SLC9A9: variants seen among roughly 807,000 people sequenced by gnomAD.
SLC9A9 encodes sodium/hydrogen exchanger 9.
SLC9A9 carries 62 observed loss-of-function variants against 77.8 expected under a neutral mutation model. The observed-to-expected ratio is 0.80, with a 90% CI of 0.65 to 0.98. The LOEUF is 0.98. Ranked by LOEUF, SLC9A9 falls within the 50% of genes least tolerant of loss-of-function variation. The pLI, the probability that SLC9A9 is intolerant of heterozygous loss-of-function variation, is 0.00. For synonymous variants in SLC9A9, 320 were observed against 283.5 expected (o/e 1.13, Z -1.29); for missense variants, 775 against 774.9 (o/e 1.00, Z 0.00).
At chr3:143,624,240 A>G (rs2038275474) in intron 6 of SLC9A9, among the ~76,000 whole-genome samples, 2 of 152,196 alleles carry the variant, frequency 1.3e-5, no homozygotes, top group Non-Finnish European at 2.9e-5. Flanking sequence ...ACAGGAAAAG[A>G]GGGAATCCTC....
intron 14 of SLC9A9, among the ~76,000 whole-genome samples, chr3:143,283,697 G>A (rs1176433747): frequency 6.6e-6 from 1 of 152,194 alleles, no homozygotes; most frequent in East Asian, 1.9e-4. Context: ...GCCTTCACTG[G>A]CTGAGGTCTA....
At chr3:143,513,448 C>T (rs768933271) in intron 9 of SLC9A9, among the ~76,000 whole-genome samples, 5 of 152,172 alleles carry the variant, frequency 3.3e-5, no homozygotes, top group African/African-American at 7.2e-5. Flanking sequence ...CTACCACATT[C>T]GAAGTTACTT....
At chr3:143,377,560 C>G (rs2033207161) in intron 13 of SLC9A9, among the ~76,000 whole-genome samples, 3 of 152,096 alleles carry the variant, frequency 2.0e-5, no homozygotes, top group Admixed American at 2.0e-4. Context: ...ACAACCAAAA[C>G]CAGAATTTCA....
chr3:143,652,510 C>T (rs1427460358), intron 5 of SLC9A9, 150 bp from the exon 6 acceptor site: 2 of 700,206 alleles, frequency 2.9e-6, no homozygotes, highest in African/African-American at 3.5e-5. Context: ...CAAAAAATAT[C>T]TGATGCTTAA....
In SLC9A9 at chr3:143,319,789, A is replaced by C. The variant is rs541601533; in HGVS notation, c.1604+43695T>G. On this transcript the variant is annotated intron_variant, in intron 14 of 15. Coordinates refer to ENST00000316549, the MANE Select transcript of SLC9A9 (RefSeq NM_173653.4). ...GATGTCTGCTGAAATTGAAATTTAA[A>C]ACCTCGCAAGAAACATCTGCAAGCT... is the stretch of plus-strand genomic sequence containing the variant. 7.9e-5 allele frequency among the ~76,000 whole-genome samples: 12 copies of C among 152,330 alleles called. No individual in the cohort carries two copies. In the East Asian group the frequency reaches 2.3e-3, roughly 29 times the overall value.
intron 5 of SLC9A9, among the ~76,000 whole-genome samples, chr3:143,690,828 T>C (rs548671016): frequency 3.9e-5 from 6 of 152,244 alleles, no homozygotes; most frequent in South Asian, 4.1e-4. Flanking sequence ...AATTATACCA[T>C]TGGGTACTGA....
chr3:143,365,712 A>C (rs1046862780), intron 13 of SLC9A9, among the ~76,000 whole-genome samples: 1 of 152,188 alleles, frequency 6.6e-6, no homozygotes, highest in African/African-American at 2.4e-5. Flanking sequence ...ATCCTTCCCT[A>C]TACCTTTCTC....
intron 6 of SLC9A9, among the ~76,000 whole-genome samples, chr3:143,582,153 C>A (rs73001739): frequency 0.024 from 3,725 of 152,262 alleles, 139 homozygotes; most frequent in African/African-American, 0.085. Flanking sequence ...ATTGTGGGTA[C>A]TTTTATGGGT....
Position 143,778,337 on chromosome 3 carries a change from A to C in SLC9A9, c.533+16664T>G, listed in dbSNP as rs555908995. Among the ~76,000 whole-genome samples the C allele has an allele frequency of 2.6e-5, 4 of 152,328 alleles. No individual in the cohort carries two copies. In the South Asian group the frequency reaches 8.3e-4, roughly 32 times the overall value. ...CTAACTAAATTGTCTGAAGTGTATT[A>C]ACACTACTCAAAATATGCTTCAACT... On this transcript the variant is annotated intron_variant, in intron 4 of 15. Coordinates refer to ENST00000316549, the MANE Select transcript of SLC9A9 (RefSeq NM_173653.4).
intron 8 of SLC9A9, among the ~76,000 whole-genome samples, chr3:143,573,397 T>C (rs1408015731): frequency 6.6e-6 from 1 of 152,140 alleles, no homozygotes; most frequent in Non-Finnish European, 1.5e-5. Flanking sequence ...GAGATTCTTC[T>C]GCATGGAAAA....
intron 14 of SLC9A9, among the ~76,000 whole-genome samples, chr3:143,355,848 T>C (rs746639182): frequency 6.6e-6 from 1 of 152,252 alleles, no homozygotes; most frequent in Non-Finnish European, 1.5e-5. Context: ...GAATTTGATT[T>C]AAAGGAATTT....
chr3:143,514,384 T>C (rs2036169149), intron 9 of SLC9A9, among the ~76,000 whole-genome samples: 1 of 152,094 alleles, frequency 6.6e-6, no homozygotes, highest in African/African-American at 2.4e-5. Flanking sequence ...AAATAAGCAT[T>C]GTCTTCAACT....
chr3:143,448,936 TATGATATATAA>T lies in SLC9A9; in HGVS notation c.1469+18090_1469+18100del. On this transcript the variant is annotated intron_variant, in intron 12 of 15. Transcript: ENST00000316549. ...ATATATTATATATTATAATATATAA[TATGATATATAA>T]TATATAATATAATTATATAAATATA... 2.9e-4 allele frequency among the ~76,000 whole-genome samples: 3 copies of T among 10,310 alleles called. 1 individual carries two copies. Among genetic ancestry groups the T allele is most frequent in the African/African-American group, 1.1e-3 (1 of 890 alleles). 6.8% of individuals were successfully genotyped at this position (10,310 alleles called of 152,430 possible).
intron 4 of SLC9A9, among the ~76,000 whole-genome samples, chr3:143,709,711 A>C (rs1287780520): frequency 6.6e-6 from 1 of 152,158 alleles, no homozygotes; most frequent in Non-Finnish European, 1.5e-5. Context: ...ATTGAATAGC[A>C]TTGTTACTGA....
intron 12 of SLC9A9, among the ~76,000 whole-genome samples, chr3:143,384,064 G>A (rs1024042899): frequency 5.9e-5 from 9 of 152,182 alleles, no homozygotes; most frequent in African/African-American, 2.2e-4. Context: ...AGCCTCTGGA[G>A]GGGAGGAACC....
At chr3:143,423,247 G>GCACACA (rs1559909510) in intron 12 of SLC9A9, among the ~76,000 whole-genome samples, 1 of 72,460 alleles carries the variant, frequency 1.4e-5, no homozygotes, top group Non-Finnish European at 3.2e-5. Flanking sequence ...ACACGCGCGT[G>GCACACA]TACACACACA....
intron 4 of SLC9A9, among the ~76,000 whole-genome samples, chr3:143,695,429 T>C (rs1933605867): frequency 1.3e-5 from 2 of 152,056 alleles, no homozygotes; most frequent in Admixed American, 6.6e-5. Flanking sequence ...AGTGAGGACA[T>C]GCGGTGTTTG....
intron 5 of SLC9A9, among the ~76,000 whole-genome samples, chr3:143,666,353 G>C (rs57630925): frequency 4.1e-4 from 62 of 152,076 alleles, no homozygotes; most frequent in Non-Finnish European, 7.5e-4. Context: ...TAAGAGCTAT[G>C]TATGACAAAC....
At chr3:143,704,995 A>ATATGTATC (rs1553782452) in intron 4 of SLC9A9, among the ~76,000 whole-genome samples, 4 of 116,010 alleles carry the variant, frequency 3.4e-5, no homozygotes, top group Non-Finnish European at 5.6e-5. Context: ...TCCATCTCAA[A>ATATGTATC]TATCTATCTA....
Sources: gnomAD v4.1 joint callset for allele counts (sites outside exome capture counted in the v4.1 genomes callset) on GRCh38, gnomAD v4.1.1 for gene constraint, MANE v1.5 for transcripts, NCBI Gene and HGNC (gene_info 2026-07-23, HGNC 2026-07-21) for gene names.